PAQR5: variants seen among roughly 807,000 people sequenced by gnomAD.
The protein encoded by PAQR5 is progestin and adipoQ receptor family member 5, also known as membrane progestin receptor gamma.
Under a neutral mutation model 34.5 loss-of-function variants are expected in PAQR5, and 20 were observed. The ratio of observed to expected loss-of-function variants is 0.58; its 90% confidence interval spans 0.41 to 0.84. The LOEUF (loss-of-function observed/expected upper bound fraction) is 0.84, where lower values mean the gene tolerates loss of function less well. PAQR5 is among the 40% of genes least tolerant of loss of function. The pLI is 0.00. For synonymous variants in PAQR5, 131 were observed against 155.6 expected, an observed-to-expected ratio of 0.84 and a Z score of 1.18; for missense variants, 378 against 412.7, an observed-to-expected ratio of 0.92 and a Z score of 0.73.
chr15:69,314,253 T>G (rs1404477021), intron 1 of PAQR5: 1 of 152,156 alleles, frequency 6.6e-6, no homozygotes, highest in Admixed American at 6.5e-5. Flanking sequence ...AACTTTGGCT[T>G]AAGCGTGGGC....
intron 3 of PAQR5, among the ~76,000 whole-genome samples, chr15:69,374,123 A>G (rs75483613): frequency 0.018 from 2,731 of 152,290 alleles, 70 homozygotes; most frequent in East Asian, 0.11. Flanking sequence ...TGTATTTTTA[A>G]AAAACATCAC....
chr15:69,332,225 G>A (rs12900289), intron 1 of PAQR5, among the ~76,000 whole-genome samples: 123,807 of 152,176 alleles, frequency 0.81, 50,371 homozygotes, highest in Admixed American at 0.85. Flanking sequence ...GTTCTGTAAT[G>A]GAGAGAGGGG....
chr15:69,326,189 G>T (rs946378319), intron 1 of PAQR5, among the ~76,000 whole-genome samples: 1 of 152,116 alleles, frequency 6.6e-6, no homozygotes, highest in Admixed American at 6.5e-5. Flanking sequence ...AGCCAAATTT[G>T]CCTGTTTCTC....
At chr15:69,349,625 C>T (rs1482652151) in intron 2 of PAQR5, among the ~76,000 whole-genome samples, 1 of 149,916 alleles carries the variant, frequency 6.7e-6, no homozygotes, top group Non-Finnish European at 1.5e-5. Flanking sequence ...GTTCGATCTC[C>T]CTTAGTTTAT....
chr15:69,299,967 T>A (rs74020620), intron 1 of PAQR5, among the ~76,000 whole-genome samples: 2,223 of 152,258 alleles, frequency 0.015, 49 homozygotes, highest in African/African-American at 0.051. Context: ...TATTAACACA[T>A]GGGCAGATGA....
chr15:69,301,096 C>T (rs1231740621), intron 1 of PAQR5, among the ~76,000 whole-genome samples: 2 of 150,838 alleles, frequency 1.3e-5, no homozygotes, highest in East Asian at 1.9e-4. Flanking sequence ...CTCCGCCTCC[C>T]GGGTTCAAGC....
At chr15:69,393,008 G>A (rs1413358749) in intron 6 of PAQR5, among the ~76,000 whole-genome samples, 1 of 151,400 alleles carries the variant, frequency 6.6e-6, no homozygotes, top group Non-Finnish European at 1.5e-5. Flanking sequence ...GAATCTCTTA[G>A]GGAAAAAAAA....
intron 8 of PAQR5, among the ~76,000 whole-genome samples, chr15:69,403,089 G>A (rs545401642): frequency 4.6e-5 from 7 of 152,260 alleles, no homozygotes; most frequent in Non-Finnish European, 7.3e-5. Flanking sequence ...GAGACTCTGA[G>A]CTGATCAGTG....
chr15:69,322,421 A>T, intron 1 of PAQR5, among the ~76,000 whole-genome samples: 1 of 149,142 alleles, frequency 6.7e-6, no homozygotes, highest in Non-Finnish European at 1.5e-5. Flanking sequence ...GTGAGCCGAG[A>T]TCGCACCACT....
intron 2 of PAQR5, among the ~76,000 whole-genome samples, chr15:69,355,202 CCTACCTAT>C (rs1354759643): frequency 6.6e-6 from 1 of 152,068 alleles, no homozygotes; most frequent in Non-Finnish European, 1.5e-5. Flanking sequence ...TGTTTATCTA[CCTACCTAT>C]CTACCTATCT....
At chr15:69,346,604 T>C (rs9788765) in intron 2 of PAQR5, among the ~76,000 whole-genome samples, 130,137 of 148,600 alleles carry the variant, frequency 0.88, 57,706 homozygotes, top group Non-Finnish European at 0.96. Context: ...AAGCGTGAGC[T>C]ACCACGTCCA....
intron 2 of PAQR5, among the ~76,000 whole-genome samples, chr15:69,354,444 A>G (rs1465082946): frequency 3.9e-5 from 6 of 152,198 alleles, no homozygotes; most frequent in African/African-American, 1.4e-4. Context: ...ATGTTATATC[A>G]TACTATTTAA....
chr15:69,382,073 A>C (rs1240923585), intron 4 of PAQR5, among the ~76,000 whole-genome samples: 1 of 152,192 alleles, frequency 6.6e-6, no homozygotes, highest in Non-Finnish European at 1.5e-5. Context: ...GGGACTAGCT[A>C]TTCCGAAAAG....
Position 69,358,633 on chromosome 15 carries a change from A to ATTTTTTTTTTTTTTTT in PAQR5, c.-115-1332_-115-1317dup, listed in dbSNP as rs71149910. On this transcript the variant is annotated intron_variant, in intron 2 of 8. Coordinates refer to ENST00000395407, the MANE Select transcript of PAQR5 (RefSeq NM_017705.4). ...GCCCTTTTCTTTTCAGCTCTGTGGC[A>ATTTTTTTTTTTTTTTT]TTTTTTTTTTTTTTTTGAGACAGAT... is the stretch of plus-strand genomic sequence containing the variant. Among the ~76,000 whole-genome samples, 77 of 84,466 alleles carry ATTTTTTTTTTTTTTTT rather than the reference A, an allele frequency of 9.1e-4. 6 individuals are homozygous for ATTTTTTTTTTTTTTTT. The highest frequency in any genetic ancestry group is 1.1e-3 in the Non-Finnish European group (52 of 48,168). 55.4% of individuals were successfully genotyped at this position (84,466 alleles called of 152,430 possible).
intron 2 of PAQR5, among the ~76,000 whole-genome samples, chr15:69,342,193 T>C (rs1037310572): frequency 4.6e-5 from 7 of 152,152 alleles, no homozygotes; most frequent in Non-Finnish European, 5.9e-5. Context: ...TATCCCATTA[T>C]GGTTTTGAAC....
chr15:69,358,285 T>C (rs761315101), intron 2 of PAQR5, among the ~76,000 whole-genome samples: 3 of 152,222 alleles, frequency 2.0e-5, no homozygotes, highest in African/African-American at 4.8e-5. Flanking sequence ...ATCTTGTTAC[T>C]TACTCTTGAG....
At chr15:69,299,907 G>C (rs971616582) in intron 1 of PAQR5, among the ~76,000 whole-genome samples, 3 of 112,582 alleles carry the variant, frequency 2.7e-5, no homozygotes, top group African/African-American at 7.6e-5. Context: ...CAGCCAAAAA[G>C]GGACACATCC....
chr15:69,327,317 T>C (rs1595858343), intron 1 of PAQR5, among the ~76,000 whole-genome samples: 1 of 152,132 alleles, frequency 6.6e-6, no homozygotes, highest in South Asian at 2.1e-4. Context: ...GTAAACACTT[T>C]AGGCATCAGA....
At position 69,339,170 on chromosome 15, in the gene PAQR5, A is replaced by ACC. The variant is rs55878437; in HGVS notation, c.-116+1674_-116+1675dup. On this transcript the variant is annotated intron_variant, in intron 2 of 8. Transcript: ENST00000395407. The stretch of plus-strand genomic sequence containing the variant: ...TCACCACTCCTGGCCCACTGGCTAC[A>ACC]CCCCCCACCCCGCCACCAAGTTATC... Among the ~76,000 whole-genome samples the ACC allele has an allele frequency of 5.1e-5, 7 of 137,040 alleles. 1 individual carries two copies. The highest frequency in any genetic ancestry group is 9.7e-5 in the Non-Finnish European group (6 of 62,142). The allele number at this position is 137,040 out of a possible 152,430, so 89.9% of individuals were successfully genotyped here. A position where few individuals can be genotyped will look rare whatever the true frequency, so the allele number is the denominator to read the frequency against.
Sources: gnomAD v4.1 joint callset for allele counts (sites outside exome capture counted in the v4.1 genomes callset) on GRCh38, gnomAD v4.1.1 for gene constraint, MANE v1.5 for transcripts, NCBI Gene and HGNC (gene_info 2026-07-23, HGNC 2026-07-21) for gene names.